The following PCDHA6 variants were observed in gnomAD, a reference collection of about 807,000 sequenced individuals.
The protein encoded by PCDHA6 is protocadherin alpha 6.
PCDHA6 carries 55 observed loss-of-function variants against 60.3 expected under a neutral mutation model. The observed-to-expected ratio is 0.91, with a 90% CI of 0.73 to 1.14. The LOEUF (loss-of-function observed/expected upper bound fraction) is 1.14, where lower values mean the gene tolerates loss of function less well. Ranked by LOEUF, PCDHA6 falls within the 50% of genes most tolerant of loss-of-function variation. PCDHA6 has a pLI of 0.00. For missense variants in PCDHA6, 1,327 were observed against 1,256.5 expected (o/e 1.06, Z -0.85); for synonymous variants, 652 against 557.9 (o/e 1.17, Z -2.38).
At chr5:140,842,970 C>T in intron 1 of PCDHA6, 1 of 1,594,990 alleles carries the variant, frequency 6.3e-7, no homozygotes, top group Non-Finnish European at 8.6e-7. Flanking sequence ...AGCAACGTGA[C>T]GCTGCAGGTG....
intron 1 of PCDHA6, among the ~76,000 whole-genome samples, chr5:140,951,543 C>G (rs246041): frequency 0.56 from 85,284 of 151,440 alleles, 24,613 homozygotes; most frequent in African/African-American, 0.69. Flanking sequence ...GAGCAAGGGA[C>G]GGGGGGAAGT....
At chr5:140,993,984 CACTT>C (rs2097589955) in intron 3 of PCDHA6, among the ~76,000 whole-genome samples, 1 of 152,114 alleles carries the variant, frequency 6.6e-6, no homozygotes, top group Non-Finnish European at 1.5e-5. Flanking sequence ...ATTTATTAAG[CACTT>C]AGGTCAGGCC....
In PCDHA6 at chr5:140,835,966, T is replaced by C. The variant is rs2150249207; in HGVS notation, c.2394+5481T>C. The C allele has an allele frequency of 5.6e-6, 9 of 1,613,230 alleles. 1 individual carries two copies. In the South Asian group the frequency reaches 8.8e-5, roughly 16 times the overall value. On this transcript the variant is annotated intron_variant, in intron 1 of 3. Transcript: ENST00000529310. ...CTGCAGCCGTTGGACCACGAGGAGC[T>C]GGAGCTGTTGCAGTTCCAGGTGAGC... is the stretch of plus-strand genomic sequence containing the variant.
chr5:140,928,354 A>C (rs374655565), intron 1 of PCDHA6: 10 of 1,614,032 alleles, frequency 6.2e-6, no homozygotes, highest in African/African-American at 1.3e-5. Flanking sequence ...GTTGGATGTT[A>C]TCTCTGAAGG....
At chr5:140,933,512 A>C (rs2089201610) in intron 1 of PCDHA6, among the ~76,000 whole-genome samples, 1 of 152,078 alleles carries the variant, frequency 6.6e-6, no homozygotes, top group African/African-American at 2.4e-5. Context: ...CAAAGACTAC[A>C]GCTGTTTTGT....
At chr5:140,943,266 AAAAAAAAAAAAG>A (rs2093453056) in intron 1 of PCDHA6, among the ~76,000 whole-genome samples, 1 of 150,226 alleles carries the variant, frequency 6.7e-6, no homozygotes, top group African/African-American at 2.5e-5. Context: ...TCAAAAAAAA[AAAAAAAAAAAAG>A]AAAGAAAGAA....
At chr5:140,841,405 C>G (rs2150314710) in intron 1 of PCDHA6, 2 of 1,612,994 alleles carry the variant, frequency 1.2e-6, no homozygotes, top group African/African-American at 1.3e-5. Context: ...AGGTGGGGAG[C>G]GGCCAGCTCC....
chr5:140,975,848 T>C (rs1345383470), intron 1 of PCDHA6, among the ~76,000 whole-genome samples: 1 of 152,234 alleles, frequency 6.6e-6, no homozygotes, highest in Non-Finnish European at 1.5e-5. Flanking sequence ...TCAGTAATAC[T>C]ACATCACCCA....
chr5:140,945,346 A>C (rs2093775452), intron 1 of PCDHA6, among the ~76,000 whole-genome samples: 1 of 152,132 alleles, frequency 6.6e-6, no homozygotes, highest in South Asian at 2.1e-4. Context: ...AGCTTGGAAA[A>C]ATTAATACTG....
In PCDHA6 at chr5:140,851,131, G is replaced by T. The variant is rs2041968794; in HGVS notation, c.2394+20646G>T. The T allele has an allele frequency of 4.6e-6, 6 of 1,310,148 alleles. No individual in the cohort carries two copies. In the East Asian group the frequency reaches 1.6e-4, roughly 35 times the overall value. The allele number at this position is 1,310,148 out of a possible 1,614,324, so 81.2% of individuals were successfully genotyped here. ...CTGAATCAATTTTATTTAAATTTGT[G>T]ATTAAAGTGACATTGAATTTCTGAT... On this transcript the variant is annotated intron_variant, in intron 1 of 3. Coordinates refer to ENST00000529310, the MANE Select transcript of PCDHA6 (RefSeq NM_018909.4).
At chr5:140,922,547 G>A (rs1269163353) in intron 1 of PCDHA6, among the ~76,000 whole-genome samples, 2 of 152,192 alleles carry the variant, frequency 1.3e-5, no homozygotes, top group Non-Finnish European at 2.9e-5. Context: ...GGCAAGGTAA[G>A]GAGAAAAGTC....
At chr5:140,884,299 G>A in intron 1 of PCDHA6, 1 of 1,613,736 alleles carries the variant, frequency 6.2e-7, no homozygotes, top group Non-Finnish European at 8.5e-7. Context: ...AAGCGCCACA[G>A]GCTTCGTCGA....
At chr5:140,870,241 G>A (rs782478787) in intron 1 of PCDHA6, 2 of 1,614,196 alleles carry the variant, frequency 1.2e-6, no homozygotes, top group South Asian at 1.1e-5. Flanking sequence ...TGACTCAGGT[G>A]TCAACGGACA....
In PCDHA6 at chr5:140,828,565, C is replaced by G. The variant is rs2150156833; in HGVS notation, c.474C>G (p.Ser158=). ...CTGTGTTTCCACTGGAGGGCGCGTCCGATGCAGATGTTGGCTCAAATTCCA... is the reference window on the plus strand; with the variant it reads ...CTGTGTTTCCACTGGAGGGCGCGTCGGATGCAGATGTTGGCTCAAATTCCA... The part of the protein sequence containing the change: ...PDSVFPLEGA[S]DADVGSNSIL... Residue 158 remains serine, a synonymous_variant, in exon 1 of 4, where the codon TCC becomes TCG. Coordinates refer to ENST00000529310, the MANE Select transcript of PCDHA6 (RefSeq NM_018909.4). The G allele has an allele frequency of 8.7e-6, 14 of 1,614,168 alleles. No individual in the cohort carries two copies. Among genetic ancestry groups the G allele is most frequent in the Non-Finnish European group, 1.2e-5 (14 of 1,180,042 alleles).
At chr5:140,864,271 A>T (rs2048397543) in intron 1 of PCDHA6, 1 of 152,134 alleles carries the variant, frequency 6.6e-6, no homozygotes, top group African/African-American at 2.4e-5. Context: ...TGTGTCCTCC[A>T]TTCCTTATTG....
At position 140,855,973 on chromosome 5, in the gene PCDHA6, T is replaced by A. The variant is rs371048948; in HGVS notation, c.2394+25488T>A. ...TTCGATAAAAAATAGATATAAGAAATAGGACAGAAAATGTCAGATCGTATG... is the reference window on the plus strand; with the variant it reads ...TTCGATAAAAAATAGATATAAGAAAAAGGACAGAAAATGTCAGATCGTATG... On this transcript the variant is annotated intron_variant, in intron 1 of 3. Coordinates refer to ENST00000529310, the MANE Select transcript of PCDHA6 (RefSeq NM_018909.4). 71 of 1,440,548 alleles carry A rather than the reference T, an allele frequency of 4.9e-5. 4 individuals are homozygous for A. The Middle Eastern group carries it at 9.2e-4, about 19-fold the overall frequency. The allele number at this position is 1,440,548 out of a possible 1,614,324, so 89.2% of individuals were successfully genotyped here.
intron 1 of PCDHA6, chr5:140,857,210 C>T (rs2044424463): frequency 1.3e-6 from 2 of 1,598,628 alleles, no homozygotes; most frequent in East Asian, 4.5e-5. Flanking sequence ...CACCTGCTCT[C>T]TGACGCCTCA....
chr5:140,951,659 C>T (rs1293655737), intron 1 of PCDHA6, among the ~76,000 whole-genome samples: 3 of 152,164 alleles, frequency 2.0e-5, no homozygotes, highest in African/African-American at 7.2e-5. Flanking sequence ...CCCACCAGGG[C>T]CTGCCTACAA....
chr5:140,919,258 A>G (rs2079053720), intron 1 of PCDHA6, among the ~76,000 whole-genome samples: 1 of 152,178 alleles, frequency 6.6e-6, no homozygotes, highest in African/African-American at 2.4e-5. Flanking sequence ...TTTGTCTGAT[A>G]TTAGTGTAGT....
Sources: allele counts gnomAD v4.1 joint callset (sites outside exome capture counted in the v4.1 genomes callset), GRCh38; gene constraint gnomAD v4.1.1; transcripts MANE v1.5; gene names NCBI Gene and HGNC (gene_info 2026-07-23, HGNC 2026-07-21).